The following SYT1 variants were observed in gnomAD, a reference collection of about 807,000 sequenced individuals.
SYT1 encodes synaptotagmin 1.
SYT1 carries 8 observed loss-of-function variants against 44.8 expected under a neutral mutation model. The observed-to-expected ratio is 0.18, with a 90% CI of 0.10 to 0.32. The LOEUF (loss-of-function observed/expected upper bound fraction) is 0.32, where lower values mean the gene tolerates loss of function less well. Ranked by LOEUF, SYT1 falls within the 10% of genes least tolerant of loss-of-function variation. The pLI is 1.00. For synonymous variants in SYT1, 154 were observed against 188.8 expected, an observed-to-expected ratio of 0.82 and a Z score of 1.51; for missense variants, 286 against 509.3, an observed-to-expected ratio of 0.56 and a Z score of 4.22.
intron 4 of SYT1, among the ~76,000 whole-genome samples, chr12:79,230,278 TTC>T (rs1875794003): frequency 6.6e-6 from 1 of 152,176 alleles, no homozygotes; most frequent in Non-Finnish European, 1.5e-5. Context: ...TTAAAAAATC[TTC>T]TGATTGTCTT....
At position 79,280,868 on chromosome 12, in the gene SYT1, T is replaced by C. The variant is rs1256129216; in HGVS notation, c.167-4919T>C. On this transcript the variant is annotated intron_variant, in intron 4 of 10. Coordinates refer to ENST00000261205, the MANE Select transcript of SYT1 (RefSeq NM_005639.3). ...AAGAGAGATTTTTCAAAAGAAGCCA[T>C]ACAAGTGGCCAACAAACATATGAAA... Among the ~76,000 whole-genome samples the C allele has an allele frequency of 2.6e-5, 4 of 151,132 alleles. No homozygotes were observed. The East Asian group carries it at 5.8e-4, about 22-fold the overall frequency.
At chr12:79,067,379 AT>A (rs900651261) in intron 3 of SYT1, among the ~76,000 whole-genome samples, 3 of 152,126 alleles carry the variant, frequency 2.0e-5, no homozygotes, top group African/African-American at 7.2e-5. Flanking sequence ...TGGAATTGGA[AT>A]TTGAAGGTAT....
chr12:79,117,662 C>CAT (rs57706449), intron 3 of SYT1, among the ~76,000 whole-genome samples: 810 of 38,702 alleles, frequency 0.021, 17 homozygotes, highest in Non-Finnish European at 0.027. Flanking sequence ...TGTATTACAT[C>CAT]ATATATATAT....
intron 3 of SYT1, among the ~76,000 whole-genome samples, chr12:79,183,037 A>G (rs898691351): frequency 6.6e-6 from 1 of 152,078 alleles, no homozygotes; most frequent in African/African-American, 2.4e-5. Context: ...AATTTAAGAA[A>G]TATTTCATCA....
intron 9 of SYT1, among the ~76,000 whole-genome samples, chr12:79,376,465 T>C (rs1883999509): frequency 6.6e-6 from 1 of 151,994 alleles, no homozygotes. Context: ...CAACCAGAGG[T>C]CACTCTCGGC....
chr12:79,085,367 G>C (rs1265463624), intron 3 of SYT1, among the ~76,000 whole-genome samples: 1 of 152,116 alleles, frequency 6.6e-6, no homozygotes, highest in African/African-American at 2.4e-5. Context: ...TTTTGTGTTA[G>C]TGATGCTCAG....
At chr12:78,924,315 C>T (rs1382797994) in intron 1 of SYT1, among the ~76,000 whole-genome samples, 2 of 151,810 alleles carry the variant, frequency 1.3e-5, no homozygotes, top group Non-Finnish European at 2.9e-5. Context: ...GTAGTTATTA[C>T]TTTTTCCCTC....
At chr12:78,915,363 A>G (rs1380897318) in intron 1 of SYT1, among the ~76,000 whole-genome samples, 1 of 152,008 alleles carries the variant, frequency 6.6e-6, no homozygotes, top group Non-Finnish European at 1.5e-5. Flanking sequence ...AGTGATTTTG[A>G]TGCATAGCCA....
chr12:79,430,706 G>A (rs1455738292), intron 9 of SYT1, among the ~76,000 whole-genome samples: 1 of 152,216 alleles, frequency 6.6e-6, no homozygotes, highest in Non-Finnish European at 1.5e-5. Flanking sequence ...AGGATCACTT[G>A]AGCCCGGAGG....
chr12:78,867,566 T>C (rs548150152), intron 1 of SYT1, among the ~76,000 whole-genome samples: 315 of 152,116 alleles, frequency 2.1e-3, no homozygotes, highest in African/African-American at 7.0e-3. Flanking sequence ...TGACAGGATA[T>C]TTTAGTAAAT....
In SYT1 at chr12:78,929,407, CCCAAAAA is replaced by C. The variant is rs1436922646; in HGVS notation, c.-216-48391_-216-48385del. 7.6e-3 allele frequency among the ~76,000 whole-genome samples: 111 copies of C among 14,668 alleles called. 5 individuals carry two copies. The highest frequency in any genetic ancestry group is 0.012 in the African/African-American group (89 of 7,150). 9.6% of individuals were successfully genotyped at this position (14,668 alleles called of 152,430 possible). On this transcript the variant is annotated intron_variant, in intron 1 of 10. Coordinates refer to ENST00000261205, the MANE Select transcript of SYT1 (RefSeq NM_005639.3). ...CCTGGGTGACAGAGAGAGACTCCGT[CCCAAAAA>C]AAAAAAAAAAAAAAAAAAAAAAAAA...
intron 8 of SYT1, among the ~76,000 whole-genome samples, chr12:79,316,321 A>C (rs1315828696): frequency 1.3e-5 from 2 of 152,232 alleles, no homozygotes; most frequent in African/African-American, 4.8e-5. Flanking sequence ...TTCTTCATAC[A>C]GTAATATTTC....
chr12:78,974,228 C>T (rs1477739803), intron 1 of SYT1, among the ~76,000 whole-genome samples: 1 of 150,620 alleles, frequency 6.6e-6, no homozygotes, highest in Non-Finnish European at 1.5e-5. Flanking sequence ...AAACATAGTA[C>T]AGTAAAAATA....
At chr12:79,175,005 A>C (rs73357446) in intron 3 of SYT1, among the ~76,000 whole-genome samples, 1,556 of 152,144 alleles carry the variant, frequency 0.01, 29 homozygotes, top group African/African-American at 0.035. Flanking sequence ...CTTGTATGGA[A>C]AGTGTTTTAT....
intron 3 of SYT1, among the ~76,000 whole-genome samples, chr12:79,096,822 A>G (rs1878161807): frequency 1.3e-5 from 2 of 151,996 alleles, no homozygotes; most frequent in Admixed American, 1.3e-4. Context: ...TTTAGTACCC[A>G]GTTGAGATAA....
At chr12:78,983,028 C>A (rs1314065094) in intron 2 of SYT1, among the ~76,000 whole-genome samples, 2 of 151,938 alleles carry the variant, frequency 1.3e-5, no homozygotes, top group Non-Finnish European at 2.9e-5. Context: ...ATAAGACCCA[C>A]CAAAATCTTG....
intron 3 of SYT1, among the ~76,000 whole-genome samples, chr12:79,171,455 G>A (rs970191222): frequency 1.3e-5 from 2 of 151,736 alleles, no homozygotes; most frequent in African/African-American, 4.8e-5. Context: ...TATGTGGCAA[G>A]AGTAGAAATA....
At chr12:79,023,192 G>C (rs1019910009) in intron 2 of SYT1, among the ~76,000 whole-genome samples, 1 of 151,824 alleles carries the variant, frequency 6.6e-6, no homozygotes, top group African/African-American at 2.4e-5. Flanking sequence ...TTTAAAAATT[G>C]GTTTGACAAT....
chr12:78,989,728 G>T (rs1482386295), intron 2 of SYT1, among the ~76,000 whole-genome samples: 1 of 152,134 alleles, frequency 6.6e-6, no homozygotes, highest in Admixed American at 6.6e-5. Context: ...GAAGTGTATT[G>T]TCTAAAATTG....
Sources: allele counts gnomAD v4.1 joint callset (sites outside exome capture counted in the v4.1 genomes callset), GRCh38; gene constraint gnomAD v4.1.1; transcripts MANE v1.5; gene names NCBI Gene and HGNC (gene_info 2026-07-23, HGNC 2026-07-21).